The following DIP2C variants were observed in gnomAD, a reference collection of about 807,000 sequenced individuals.
DIP2C encodes disco-interacting protein 2 homolog C.
In DIP2C, 33 loss-of-function variants were observed where a neutral mutation model predicts 192.4. The observed-to-expected ratio is 0.17, with a 90% CI of 0.13 to 0.23. The LOEUF is 0.23. DIP2C is among the 10% of genes least tolerant of loss of function. The pLI is 1.00. For missense variants in DIP2C, 1,537 were observed against 2,110.1 expected, an observed-to-expected ratio of 0.73 and a Z score of 5.32; for synonymous variants, 979 against 864.1, an observed-to-expected ratio of 1.13 and a Z score of -2.33.
At chr10:414,771 T>C (rs1331444581) in intron 7 of DIP2C, among the ~76,000 whole-genome samples, 1 of 132,838 alleles carries the variant, frequency 7.5e-6, no homozygotes, top group Non-Finnish European at 1.6e-5. Flanking sequence ...TGTATATATA[T>C]AATGTGTATA....
chr10:358,207 G>A (rs1959170757), intron 22 of DIP2C, among the ~76,000 whole-genome samples: 1 of 152,054 alleles, frequency 6.6e-6, no homozygotes, highest in South Asian at 2.1e-4. Flanking sequence ...TCCAGTTAAT[G>A]TGAGAGCCCC....
intron 1 of DIP2C, among the ~76,000 whole-genome samples, chr10:542,995 A>C (rs1848089567): frequency 6.6e-6 from 1 of 152,220 alleles, no homozygotes; most frequent in Admixed American, 6.5e-5. Context: ...CCTCAGCACC[A>C]GGAAAAGTCA....
Position 390,016 on chromosome 10 carries a change from C to T in DIP2C, c.1572G>A (p.Leu524=). 1.2e-6 allele frequency: 2 copies of T among 1,613,994 alleles called. No homozygotes were observed. Among genetic ancestry groups the T allele is most frequent in the Non-Finnish European group, 1.7e-6 (2 of 1,179,910 alleles). The change falls in exon 13 of 37, where the codon CTG becomes CTA. Residue 524 remains leucine, a synonymous_variant. Coordinates refer to ENST00000280886, the MANE Select transcript of DIP2C (RefSeq NM_014974.3). The part of the protein sequence containing the change: ...RTALLTHCQA[L]TQACGYTEAE... ...CTTCCGTGTAGCCACACGCCTGCGT[C>T]AGGGCCTGGCAGTGTGTCAGCAGCG...
chr10:437,566 G>A (rs1298278510), intron 4 of DIP2C: 1 of 152,284 alleles, frequency 6.6e-6, no homozygotes, highest in African/African-American at 2.4e-5. Flanking sequence ...CTGCCCTCAA[G>A]TTCTGGCTGG....
rs1959745623 is a variant in DIP2C at position 363,191 on chromosome 10, G to A, written c.2592+6C>T. ...GGGACCAGTGCCCAGGGCGAGGGAGGGCAACCTGCAGCACACGGCTCATCC... is the reference window on the plus strand; with the variant it reads ...GGGACCAGTGCCCAGGGCGAGGGAGAGCAACCTGCAGCACACGGCTCATCC... On this transcript the variant is annotated splice_donor_region_variant and intron_variant, in intron 21 of 36. Transcript: ENST00000280886. This position sits in a 1 kb window ranked among gnomAD's most constrained non-coding sequence, Gnocchi z 5.4. 2 of 1,612,680 alleles carry A rather than the reference G, an allele frequency of 1.2e-6. No individual in the cohort carries two copies. Among genetic ancestry groups the A allele is most frequent in the African/African-American group, 1.3e-5 (1 of 75,008 alleles).
At chr10:327,722 A>G (rs1228916118) in intron 30 of DIP2C, among the ~76,000 whole-genome samples, 1 of 152,212 alleles carries the variant, frequency 6.6e-6, no homozygotes, top group Non-Finnish European at 1.5e-5. Flanking sequence ...TTTAATATAT[A>G]GGAATATAAA....
rs776805512 is a variant in DIP2C at position 468,218 on chromosome 10, G to A, written c.268+4221C>T. On this transcript the variant is annotated intron_variant, in intron 3 of 36. Transcript: ENST00000280886. ...AAAACCACGTGAGCATATACTCTAA[G>A]TAAATTATAGTATATCTAAATTTAG... Among the ~76,000 whole-genome samples, 98 of 152,224 alleles carry A rather than the reference G, an allele frequency of 6.4e-4. No homozygotes were observed. In the Middle Eastern group the frequency reaches 0.01, roughly 16 times the overall value.
chr10:648,409 C>T (rs1161564642), intron 1 of DIP2C, among the ~76,000 whole-genome samples: 1 of 151,668 alleles, frequency 6.6e-6, no homozygotes, highest in East Asian at 2.0e-4. Flanking sequence ...CAGAAGGAAA[C>T]TGAGTCCACG....
Position 283,291 on chromosome 10 carries a change from C to A in DIP2C, c.4275G>T (p.Glu1425Asp), listed in dbSNP as rs573142305. The change falls in exon 35 of 37, where the codon GAG (glutamate) becomes GAT (aspartate). Residue 1425 changes from glutamate (E) to aspartate (D), a missense_variant. Physicochemically the swap from Glu to Asp is conservative, Grantham distance 45. Around this residue, in one of 4 missense-constraint regions of DIP2C, gnomAD observed 341 missense variants for 551.7 expected, o/e 0.62. Coordinates refer to ENST00000280886, the MANE Select transcript of DIP2C (RefSeq NM_014974.3). ...TGYLGFLRRTELTDANGERHD... is the reference protein window; with the variant it reads ...TGYLGFLRRTDLTDANGERHD... ...TCTCACCTCCATTTGCATCTGTGAG[C>A]TCAGTTCTCCGCAGGAACCCCAAGT... The A allele has an allele frequency of 1.6e-5, 26 of 1,613,854 alleles. No homozygotes were observed. In the African/African-American group the frequency reaches 3.2e-4, roughly 20 times the overall value.
chr10:601,249 A>G lies in DIP2C; in HGVS notation c.85+88245T>C, dbSNP rs145589616. 9.2e-4 allele frequency among the ~76,000 whole-genome samples: 140 copies of G among 152,346 alleles called. 4 individuals are homozygous for G. The South Asian group carries it at 0.011, about 12-fold the overall frequency. The stretch of plus-strand genomic sequence containing the variant: ...AAACTCATTACCACTCCAAAGGTTC[A>G]GTAAATCTCTAGATAATCAGGCAAA... On this transcript the variant is annotated intron_variant, in intron 1 of 36. Transcript: ENST00000280886.
intron 3 of DIP2C, among the ~76,000 whole-genome samples, chr10:444,484 A>C (rs938828933): frequency 4.6e-5 from 7 of 151,056 alleles, no homozygotes; most frequent in African/African-American, 1.7e-4. Context: ...TGTTCACTCA[A>C]GAGACAGCCA....
chr10:561,342 G>C (rs1395502809), intron 1 of DIP2C, among the ~76,000 whole-genome samples: 1 of 152,170 alleles, frequency 6.6e-6, no homozygotes, highest in African/African-American at 2.4e-5. Context: ...CCCACTGTAC[G>C]AGAAGTCTCT....
At chr10:600,425 G>A (rs1015315476) in intron 1 of DIP2C, among the ~76,000 whole-genome samples, 5 of 152,174 alleles carry the variant, frequency 3.3e-5, no homozygotes, top group African/African-American at 4.8e-5. Context: ...GGACGGCCAC[G>A]ACAGCCCAGG....
At chr10:338,717 G>A (rs1165437159) in intron 29 of DIP2C, among the ~76,000 whole-genome samples, 1 of 152,142 alleles carries the variant, frequency 6.6e-6, no homozygotes, top group Non-Finnish European at 1.5e-5. Flanking sequence ...TCCCTCGGCT[G>A]CTGCCGATTC....
At chr10:681,917 G>A (rs1358710287) in intron 1 of DIP2C, among the ~76,000 whole-genome samples, 6 of 152,232 alleles carry the variant, frequency 3.9e-5, no homozygotes, top group Admixed American at 2.0e-4. Context: ...CACTCACCGT[G>A]TATCTCCTAG....
intron 1 of DIP2C, among the ~76,000 whole-genome samples, chr10:609,123 T>G (rs1852886542): frequency 2.0e-5 from 3 of 152,074 alleles, no homozygotes; most frequent in African/African-American, 7.2e-5. Flanking sequence ...AGTTCTAAAT[T>G]TAATATGAAA....
intron 10 of DIP2C, among the ~76,000 whole-genome samples, chr10:396,932 G>A (rs1964037940): frequency 6.6e-6 from 1 of 152,102 alleles, no homozygotes; most frequent in African/African-American, 2.4e-5. Context: ...GCATACTCAG[G>A]AGGCCAAGCA....
chr10:525,279 A>C (rs1846984474), intron 1 of DIP2C, among the ~76,000 whole-genome samples: 1 of 152,210 alleles, frequency 6.6e-6, no homozygotes, highest in African/African-American at 2.4e-5. Context: ...AGCAATTTCC[A>C]AGTCACAAGC....
intron 1 of DIP2C, among the ~76,000 whole-genome samples, chr10:561,050 C>A (rs1302514594): frequency 6.6e-6 from 1 of 152,138 alleles, no homozygotes; most frequent in East Asian, 1.9e-4. Flanking sequence ...CAGTTGTCCC[C>A]GCGTTTCCAG....
Sources: allele counts gnomAD v4.1 joint callset (sites outside exome capture counted in the v4.1 genomes callset), GRCh38; gene constraint gnomAD v4.1.1; regional missense constraint gnomAD v4.1.1; non-coding constraint Gnocchi (gnomAD v3.1); transcripts MANE v1.5; gene names NCBI Gene and HGNC (gene_info 2026-07-23, HGNC 2026-07-21).